The following NLGN1 variants were observed in gnomAD, a reference collection of about 807,000 sequenced individuals.
NLGN1 encodes the protein neuroligin 1.
NLGN1 carries 12 observed loss-of-function variants against 65.5 expected under a neutral mutation model. The ratio of observed to expected loss-of-function variants is 0.18; its 90% confidence interval spans 0.12 to 0.30. The LOEUF is 0.30. NLGN1 is among the 10% of genes least tolerant of loss of function. The pLI is 1.00. For synonymous variants in NLGN1, 350 were observed against 359.5 expected (o/e 0.97, Z 0.30); for missense variants, 750 against 1,007.1 (o/e 0.74, Z 3.46).
intron 3 of NLGN1, among the ~76,000 whole-genome samples, chr3:173,780,247 A>G (rs892026280): frequency 1.3e-5 from 2 of 152,232 alleles, no homozygotes; most frequent in Non-Finnish European, 2.9e-5. Context: ...CTTGGTTCAT[A>G]TATTTAATGA....
intron 2 of NLGN1, among the ~76,000 whole-genome samples, chr3:173,465,185 G>GTGTCCTGCGACTCAGTGA (rs1382364766): frequency 2.6e-5 from 4 of 152,196 alleles, no homozygotes; most frequent in Non-Finnish European, 4.4e-5. Context: ...GCAGGGTGCT[G>GTGTCCTGCGACTCAGTGA]TGTCCTGCGA....
intron 5 of NLGN1, among the ~76,000 whole-genome samples, chr3:174,277,453 T>C (rs1419666999): frequency 6.6e-6 from 1 of 151,972 alleles, no homozygotes; most frequent in Non-Finnish European, 1.5e-5. Flanking sequence ...TTTTTCGGTA[T>C]ATTTAGTTAA....
At chr3:173,441,441 A>G (rs1392126556) in intron 2 of NLGN1, among the ~76,000 whole-genome samples, 2 of 152,138 alleles carry the variant, frequency 1.3e-5, no homozygotes, top group Non-Finnish European at 2.9e-5. Flanking sequence ...ATTGAAGGTG[A>G]GATATATGTG....
At chr3:174,263,751 G>C (rs1325870144) in intron 4 of NLGN1, among the ~76,000 whole-genome samples, 1 of 151,588 alleles carries the variant, frequency 6.6e-6, no homozygotes. Flanking sequence ...GATTTTGCTT[G>C]TTAGTTGACG....
chr3:173,770,066 T>C (rs1418042657), intron 3 of NLGN1, among the ~76,000 whole-genome samples: 1 of 152,304 alleles, frequency 6.6e-6, no homozygotes, highest in Non-Finnish European at 1.5e-5. Flanking sequence ...TTCCTAGAGC[T>C]CTGGAAAATG....
At chr3:174,037,700 TA>T (rs1441290912) in intron 4 of NLGN1, among the ~76,000 whole-genome samples, 1 of 152,206 alleles carries the variant, frequency 6.6e-6, no homozygotes, top group African/African-American at 2.4e-5. Flanking sequence ...TACTTAATTT[TA>T]AAAGAATAAA....
intron 4 of NLGN1, among the ~76,000 whole-genome samples, chr3:174,095,535 A>ATATC (rs151004004): frequency 0.11 from 16,064 of 143,380 alleles, 1,625 homozygotes; most frequent in African/African-American, 0.29. Flanking sequence ...TTATATATCT[A>ATATC]TATATATATA....
At chr3:173,990,473 A>G (rs1313414160) in intron 4 of NLGN1, among the ~76,000 whole-genome samples, 1 of 152,210 alleles carries the variant, frequency 6.6e-6, no homozygotes, top group African/African-American at 2.4e-5. Context: ...GCAAATGAGC[A>G]TGCAAATTTT....
intron 2 of NLGN1, among the ~76,000 whole-genome samples, chr3:173,504,563 G>C (rs1343458095): frequency 6.6e-6 from 1 of 151,964 alleles, no homozygotes; most frequent in East Asian, 1.9e-4. Flanking sequence ...CCTCCCATCT[G>C]CTATCCACAC....
intron 4 of NLGN1, among the ~76,000 whole-genome samples, chr3:173,828,374 C>A (rs1463526864): frequency 6.6e-6 from 1 of 152,036 alleles, no homozygotes. Flanking sequence ...TATCCAGGAA[C>A]ACGGGTCCCC....
At chr3:174,114,744 A>T (rs1716015929) in intron 4 of NLGN1, among the ~76,000 whole-genome samples, 1 of 151,906 alleles carries the variant, frequency 6.6e-6, no homozygotes, top group South Asian at 2.1e-4. Context: ...ATACTTTTCC[A>T]CCTCATAGAT....
intron 4 of NLGN1, among the ~76,000 whole-genome samples, chr3:174,094,931 CA>C (rs1370601352): frequency 1.3e-5 from 2 of 151,980 alleles, no homozygotes; most frequent in Non-Finnish European, 2.9e-5. Context: ...AAGCTGACCA[CA>C]GATTGGGCTG....
intron 1 of NLGN1, among the ~76,000 whole-genome samples, chr3:173,433,541 A>G (rs1717578973): frequency 1.3e-5 from 2 of 152,234 alleles, no homozygotes; most frequent in Non-Finnish European, 2.9e-5. Context: ...CATGTCCCTC[A>G]GTAAACTTTA....
intron 4 of NLGN1, among the ~76,000 whole-genome samples, chr3:174,006,322 G>A (rs1445808882): frequency 1.3e-5 from 2 of 152,138 alleles, no homozygotes; most frequent in Non-Finnish European, 1.5e-5. Context: ...ACAAGAATAA[G>A]TAAGTTTTCA....
chr3:173,660,477 T>C (rs1760774509), intron 3 of NLGN1, among the ~76,000 whole-genome samples: 1 of 151,920 alleles, frequency 6.6e-6, no homozygotes, highest in African/African-American at 2.4e-5. Flanking sequence ...AGTTTCTGAA[T>C]ATATATACAT....
At chr3:173,808,711 T>A (rs1478385361) in intron 4 of NLGN1, among the ~76,000 whole-genome samples, 2 of 152,166 alleles carry the variant, frequency 1.3e-5, no homozygotes, top group Non-Finnish European at 2.9e-5. Flanking sequence ...TAATCTTAAT[T>A]GTCCTCCAAG....
intron 4 of NLGN1, among the ~76,000 whole-genome samples, chr3:174,270,716 C>T (rs528100111): frequency 4.0e-5 from 6 of 151,610 alleles, no homozygotes; most frequent in South Asian, 2.1e-4. Flanking sequence ...GGAATAAGTC[C>T]GTGACATGAA....
chr3:173,424,318 T>C (rs1465623218), intron 1 of NLGN1, among the ~76,000 whole-genome samples: 1 of 152,200 alleles, frequency 6.6e-6, no homozygotes, highest in Non-Finnish European at 1.5e-5. Context: ...TTGTCTTTGC[T>C]AATAACATTC....
chr3:173,688,278 G>A (rs1764966167), intron 3 of NLGN1, among the ~76,000 whole-genome samples: 1 of 152,174 alleles, frequency 6.6e-6, no homozygotes, highest in Admixed American at 6.6e-5. Flanking sequence ...CTTAAATAGT[G>A]ACACAAGGAT....
Sources: allele counts gnomAD v4.1 joint callset (sites outside exome capture counted in the v4.1 genomes callset), GRCh38; gene constraint gnomAD v4.1.1; transcripts MANE v1.5; gene names NCBI Gene and HGNC (gene_info 2026-07-23, HGNC 2026-07-21).